SEC31A: variants seen among roughly 807,000 people sequenced by gnomAD.
SEC31A encodes the protein protein transport protein Sec31A.
Under a neutral mutation model 151.0 loss-of-function variants are expected in SEC31A, and 70 were observed. The ratio of observed to expected loss-of-function variants is 0.46; its 90% CI spans 0.38 to 0.57. The LOEUF (loss-of-function observed/expected upper bound fraction) is 0.57. Among genes scored for constraint, SEC31A ranks in the 20% least tolerant of loss-of-function variants. The pLI, the probability that SEC31A is intolerant of heterozygous loss-of-function variation, is 0.00. For synonymous variants in SEC31A, 475 were observed against 505.9 expected (o/e 0.94, Z 0.82); for missense variants, 1,330 against 1,471.2 (o/e 0.90, Z 1.57).
At chr4:82,865,690 G>C (rs1223954987) in intron 10 of SEC31A, among the ~76,000 whole-genome samples, 5 of 151,816 alleles carry the variant, frequency 3.3e-5, no homozygotes, top group African/African-American at 1.2e-4. Context: ...GCCACAAAAA[G>C]ACAAGTACTG....
chr4:82,872,675 CTA>C (rs33935930), intron 6 of SEC31A, among the ~76,000 whole-genome samples: 112,630 of 151,892 alleles, frequency 0.74, 42,126 homozygotes, highest in Admixed American at 0.79. Flanking sequence ...ACTATCAAAA[CTA>C]TATAAGTTTA....
At chr4:82,846,702 C>T (rs1730297170) in intron 20 of SEC31A, among the ~76,000 whole-genome samples, 1 of 117,530 alleles carries the variant, frequency 8.5e-6, no homozygotes, top group South Asian at 2.4e-4. Flanking sequence ...TTCTAGCTTA[C>T]TTCATTATTT....
chr4:82,878,050 T>C (rs1195254953), intron 4 of SEC31A: 1 of 152,218 alleles, frequency 6.6e-6, no homozygotes, highest in Non-Finnish European at 1.5e-5. Flanking sequence ...ACATAAAATT[T>C]CTCAATTAAT....
upstream of SEC31A, chr4:82,891,302 G>C: frequency 5.2e-6 from 5 of 966,010 alleles, no homozygotes; most frequent in Non-Finnish European, 7.6e-6. Flanking sequence ...GCACTTCCGG[G>C]ACCGGCGGTA....
Position 82,891,129 on chromosome 4 carries a change from C to CG in SEC31A, c.-47dup. Reference sequence around the variant, plus strand: ...GCAGCCGGATCCTGCGTTAGTGCAGCGCTCGTCGGACTCTCCCAGCATTCG... The same window carrying CG: ...GCAGCCGGATCCTGCGTTAGTGCAGCGGCTCGTCGGACTCTCCCAGCATTCG... On this transcript the variant is annotated 5_prime_UTR_variant, in exon 1 of 27. It introduces an in-frame stop codon into an upstream open reading frame of the 5' UTR. Coordinates refer to ENST00000395310, the MANE Select transcript of SEC31A (RefSeq NM_001077207.4). 5 of 1,535,934 alleles carry CG rather than the reference C, an allele frequency of 3.3e-6. No homozygotes were observed. The highest frequency in any genetic ancestry group is 4.4e-6 in the Non-Finnish European group (5 of 1,146,784).
At chr4:82,894,725 C>T (rs759575382), upstream of SEC31A, 23 of 152,218 alleles carry the variant, frequency 1.5e-4, no homozygotes, top group Admixed American at 2.6e-4. Context: ...ACCATTCTTC[C>T]ACCCAAGTGT....
Position 82,874,713 on chromosome 4 carries a change from T to A in SEC31A, c.537A>T (p.Gln179His). 6.2e-7 allele frequency: 1 copy of A among 1,612,510 alleles called. No homozygotes were observed. The highest frequency in any genetic ancestry group is 8.5e-7 in the Non-Finnish European group (1 of 1,179,732). ...TGGCTGATGCTAAAATATGCTGAAC[T>A]TGTCTGTTCCATGCAATGCAGCTGA... ...EDISCIAWNR[Q>H]VQHILASASP... is the part of the protein sequence containing the mutation. The change falls in exon 6 of 27, where the codon CAA (glutamine) becomes CAT (histidine). Residue 179 changes from glutamine (Q) to histidine (H), a missense_variant. By Grantham distance (24) the Gln-to-His change is conservative. Transcript: ENST00000395310.
chr4:82,823,466 A>C (rs1723853185), intron 25 of SEC31A, among the ~76,000 whole-genome samples: 1 of 152,226 alleles, frequency 6.6e-6, no homozygotes, highest in Non-Finnish European at 1.5e-5. Context: ...CAGTACAGAG[A>C]ATGGCTTTCC....
In SEC31A at chr4:82,880,943, G is replaced by A. The variant is rs200710013; in HGVS notation, c.80-21C>T. The A allele has an allele frequency of 9.4e-4, 1,477 of 1,576,632 alleles. 2 individuals carry two copies. Among genetic ancestry groups the A allele is most frequent in the Non-Finnish European group, 1.2e-3 (1,424 of 1,157,390 alleles). ...TGTTCCTATAGAAAATATATTTATG[G>A]TAACTATACACACAAAAATAAAAGA... On this transcript the variant is annotated intron_variant, in intron 2 of 26. Coordinates refer to ENST00000395310, the MANE Select transcript of SEC31A (RefSeq NM_001077207.4).
intron 22 of SEC31A, among the ~76,000 whole-genome samples, chr4:82,836,598 C>T (rs1268618122): frequency 6.6e-6 from 1 of 151,916 alleles, no homozygotes; most frequent in African/African-American, 2.4e-5. Flanking sequence ...TTATGCCAGT[C>T]AAAAAAGCCA....
chr4:82,873,717 G>A (rs1737281255), intron 6 of SEC31A, among the ~76,000 whole-genome samples: 1 of 150,890 alleles, frequency 6.6e-6, no homozygotes, highest in Admixed American at 6.6e-5. Context: ...ACTTATTTTA[G>A]AAAATGTCAA....
intron 1 of SEC31A, among the ~76,000 whole-genome samples, chr4:82,884,852 T>G (rs1454248764): frequency 6.6e-6 from 1 of 152,174 alleles, no homozygotes; most frequent in Non-Finnish European, 1.5e-5. Flanking sequence ...TGTTTAGATC[T>G]CCTATATCCT....
chr4:82,871,303 T>C, intron 7 of SEC31A: 1 of 1,375,720 alleles, frequency 7.3e-7, no homozygotes. Flanking sequence ...ATTGGGATTA[T>C]ACATGCATAC....
intron 1 of SEC31A, among the ~76,000 whole-genome samples, chr4:82,888,076 CAAA>C (rs533268343): frequency 3.1e-5 from 4 of 129,240 alleles, no homozygotes; most frequent in Admixed American, 1.5e-4. Flanking sequence ...CAAACAACAA[CAAA>C]AAAAACATCT....
At chr4:82,836,379 A>G (rs1445296989) in intron 22 of SEC31A, among the ~76,000 whole-genome samples, 1 of 151,360 alleles carries the variant, frequency 6.6e-6, no homozygotes, top group Non-Finnish European at 1.5e-5. Context: ...TCTCAAAAAA[A>G]AAAAAAAAAA....
At chr4:82,882,141 T>C (rs372616674) in intron 1 of SEC31A, among the ~76,000 whole-genome samples, 28 of 152,322 alleles carry the variant, frequency 1.8e-4, no homozygotes, top group East Asian at 3.9e-4. Context: ...GGGTGGCTCA[T>C]GCCTGTAATC....
At chr4:82,822,999 C>T (rs1026189267) in intron 25 of SEC31A, among the ~76,000 whole-genome samples, 1 of 152,004 alleles carries the variant, frequency 6.6e-6, no homozygotes, top group African/African-American at 2.4e-5. Context: ...CAAAGTTAAC[C>T]TTATCTAGCT....
At chr4:82,857,248 T>C in intron 15 of SEC31A, 118 bp from the exon 16 acceptor site, 1 of 807,734 alleles carries the variant, frequency 1.2e-6, no homozygotes, top group Non-Finnish European at 2.0e-6. Context: ...ACAACACTAA[T>C]TTCTGATTAC....
At chr4:82,828,354 A>C (rs1019306762) in intron 23 of SEC31A, among the ~76,000 whole-genome samples, 1 of 152,198 alleles carries the variant, frequency 6.6e-6, no homozygotes, top group Non-Finnish European at 1.5e-5. Context: ...TATCACACTA[A>C]AAGTACTAAA....
Sources: gnomAD v4.1 joint callset for allele counts (sites outside exome capture counted in the v4.1 genomes callset) on GRCh38, gnomAD v4.1.1 for gene constraint, MANE v1.5 for transcripts, NCBI Gene and HGNC (gene_info 2026-07-23, HGNC 2026-07-21) for gene names.